Variants in CDC42BPB observed in about 807,000 individuals in gnomAD.
CDC42BPB encodes the protein serine/threonine-protein kinase MRCK beta.
In CDC42BPB, 37 loss-of-function variants were observed where a neutral mutation model predicts 214.9. The observed-to-expected ratio is 0.17, with a 90% confidence interval of 0.13 to 0.23. CDC42BPB has a LOEUF of 0.23. CDC42BPB is among the 10% of genes least tolerant of loss of function. CDC42BPB has a pLI of 1.00. For missense variants in CDC42BPB, 1,694 were observed against 2,227.0 expected (o/e 0.76, Z 4.82); for synonymous variants, 931 against 884.0 (o/e 1.05, Z -0.94).
intron 1 of CDC42BPB, among the ~76,000 whole-genome samples, chr14:103,055,735 AGTTTT>A (rs1888912063): frequency 6.6e-6 from 1 of 152,242 alleles, no homozygotes; most frequent in Non-Finnish European, 1.5e-5. Flanking sequence ...TTGCAACTTA[AGTTTT>A]ATTTGTAAAC....
At chr14:103,028,381 C>G (rs1045818013) in intron 1 of CDC42BPB, among the ~76,000 whole-genome samples, 1 of 152,218 alleles carries the variant, frequency 6.6e-6, no homozygotes, top group African/African-American at 2.4e-5. Context: ...TGAGCATGAA[C>G]TCCAGTTTCC....
At chr14:102,969,729 A>C (rs1016954033) in intron 14 of CDC42BPB, among the ~76,000 whole-genome samples, 2 of 152,210 alleles carry the variant, frequency 1.3e-5, no homozygotes, top group African/African-American at 2.4e-5. Flanking sequence ...CAGCCCCACC[A>C]GTGGGCCCCG....
At chr14:102,936,032 A>G (rs1891634024) in intron 36 of CDC42BPB, among the ~76,000 whole-genome samples, 1 of 152,204 alleles carries the variant, frequency 6.6e-6, no homozygotes. Context: ...AGAGAATGCA[A>G]ATCAAAACCA....
At chr14:102,986,700 A>T in intron 5 of CDC42BPB, 120 bp from the exon 6 acceptor site, 1 of 1,407,458 alleles carries the variant, frequency 7.1e-7, no homozygotes, top group Non-Finnish European at 9.3e-7. Context: ...AACAGCTGTC[A>T]CCATCCAGTA....
At chr14:102,952,085 T>C (rs1892515411) in intron 24 of CDC42BPB, among the ~76,000 whole-genome samples, 1 of 152,102 alleles carries the variant, frequency 6.6e-6, no homozygotes, top group Non-Finnish European at 1.5e-5. Flanking sequence ...CAGTGGCTCA[T>C]GCCTGTAATT....
At chr14:102,980,653 G>T in intron 8 of CDC42BPB, 120 bp downstream of exon 8, 1 of 927,028 alleles carries the variant, frequency 1.1e-6, no homozygotes, top group Non-Finnish European at 1.7e-6. Context: ...AAAGCACACT[G>T]TCTTAAGTGC....
At chr14:102,978,472 G>A in intron 8 of CDC42BPB, 1 of 299,404 alleles carries the variant, frequency 3.3e-6, no homozygotes, top group Non-Finnish European at 4.9e-6. Context: ...CCGTCACCAG[G>A]TTAGTGATTT....
At chr14:103,044,514 C>T (rs918528504) in intron 1 of CDC42BPB, among the ~76,000 whole-genome samples, 3 of 151,914 alleles carry the variant, frequency 2.0e-5, no homozygotes, top group South Asian at 2.1e-4. Flanking sequence ...GGACTACAGG[C>T]GCCCGCCACC....
chr14:103,021,595 G>A (rs752368616), intron 1 of CDC42BPB, among the ~76,000 whole-genome samples: 8 of 151,832 alleles, frequency 5.3e-5, no homozygotes, highest in Non-Finnish European at 1.0e-4. Flanking sequence ...AGGCAGAATC[G>A]CTTGAATCCA....
chr14:102,934,083 G>A (rs1891521102), intron 36 of CDC42BPB: 1 of 1,222,498 alleles, frequency 8.2e-7, no homozygotes. Flanking sequence ...CATTACAAAA[G>A]ACAGCAACTC....
chr14:103,036,263 C>T (rs1887660844), intron 1 of CDC42BPB, among the ~76,000 whole-genome samples: 1 of 151,626 alleles, frequency 6.6e-6, no homozygotes. Context: ...CACCATTCTC[C>T]TGTCTCAGCC....
At chr14:102,962,381 C>T (rs146264838) in intron 20 of CDC42BPB, among the ~76,000 whole-genome samples, 26 of 152,374 alleles carry the variant, frequency 1.7e-4, no homozygotes, top group Admixed American at 7.2e-4. Flanking sequence ...CTTTCTGTGA[C>T]AGCAAATGCC....
chr14:102,979,201 G>T (rs1037169458), intron 8 of CDC42BPB, among the ~76,000 whole-genome samples: 2 of 151,202 alleles, frequency 1.3e-5, no homozygotes, highest in African/African-American at 2.4e-5. Context: ...GGTGCAAATA[G>T]ATTTAACTTT....
rs771925960 is a variant in CDC42BPB, at chr14:102,954,554, C to G, written c.2988+48G>C. Reference sequence around the variant, plus strand: ...TGAGCAGCATCTGGTCACCTGGACACGAGGGCAGACCCCAGGTGGGAGCAT... The same window carrying G: ...TGAGCAGCATCTGGTCACCTGGACAGGAGGGCAGACCCCAGGTGGGAGCAT... On this transcript the variant is annotated intron_variant, in intron 22 of 36. Transcript: ENST00000361246. The G allele has an allele frequency of 5.2e-6, 8 of 1,544,386 alleles. No homozygotes were observed. The South Asian group carries it at 5.7e-5, about 11-fold the overall frequency.
At position 103,057,438 on chromosome 14, in the gene CDC42BPB, GC is replaced by G. The variant is rs543105714; in HGVS notation, c.-266del. 1.2e-3 allele frequency: 593 copies of G among 494,552 alleles called. 1 individual carries two copies. Among genetic ancestry groups the G allele is most frequent in the African/African-American group, 0.012 (557 of 47,156 alleles). 30.6% of individuals were successfully genotyped at this position (494,552 alleles called of 1,614,324 possible). A position where few individuals can be genotyped will look rare whatever the true frequency, so the allele number is the denominator to read the frequency against. On this transcript the variant is annotated 5_prime_UTR_variant, in exon 1 of 37. Transcript: ENST00000361246. The stretch of plus-strand genomic sequence containing the variant: ...GCCGCCCTCCCAGCTCGGGCGGCCC[GC>G]CCCCGCCGCCCTCAGCCCCGCCCGC...
At chr14:102,958,069 T>C (rs1468998305) in intron 21 of CDC42BPB, among the ~76,000 whole-genome samples, 3 of 152,140 alleles carry the variant, frequency 2.0e-5, no homozygotes, top group East Asian at 3.8e-4. Flanking sequence ...CTGTTCCAGA[T>C]TAAAGGAAAC....
chr14:102,997,332 A>G (rs564670644), intron 5 of CDC42BPB, among the ~76,000 whole-genome samples: 45 of 152,290 alleles, frequency 3.0e-4, no homozygotes, highest in South Asian at 2.1e-3. Flanking sequence ...ACAGACACAC[A>G]TGGAATAAAG....
In CDC42BPB at chr14:103,046,290, C is replaced by T. The variant is rs114620406; in HGVS notation, c.175+10709G>A. Among the ~76,000 whole-genome samples, 724 of 152,190 alleles carry T rather than the reference C, an allele frequency of 4.8e-3. 10 individuals are homozygous for T. The highest frequency in any genetic ancestry group is 0.017 in the African/African-American group (696 of 41,526). On this transcript the variant is annotated intron_variant, in intron 1 of 36. Coordinates refer to ENST00000361246, the MANE Select transcript of CDC42BPB (RefSeq NM_006035.4). ...ACAGCCCCAAAATAAAGAATTCTATCACTAACTTCTGGCAGTGGCCCTCAA... is the reference window on the plus strand; with the variant it reads ...ACAGCCCCAAAATAAAGAATTCTATTACTAACTTCTGGCAGTGGCCCTCAA...
At chr14:103,021,465 A>T (rs1361816406) in intron 1 of CDC42BPB, among the ~76,000 whole-genome samples, 2 of 148,436 alleles carry the variant, frequency 1.3e-5, no homozygotes, top group Non-Finnish European at 3.0e-5. Context: ...GACTGTCTCA[A>T]AAAAAAAAAG....
Sources: gnomAD v4.1 joint callset for allele counts (sites outside exome capture counted in the v4.1 genomes callset) on GRCh38, gnomAD v4.1.1 for gene constraint, MANE v1.5 for transcripts, NCBI Gene and HGNC (gene_info 2026-07-23, HGNC 2026-07-21) for gene names.